ACLY: variants seen among roughly 807,000 people sequenced by gnomAD.
The protein encoded by ACLY is ATP-citrate synthase.
In ACLY, 41 loss-of-function variants were observed where a neutral mutation model predicts 133.0. That is an observed-to-expected ratio of 0.31 (90% CI 0.24 to 0.40). The LOEUF is 0.40. ACLY is among the 10% of genes least tolerant of loss of function. The pLI is 1.00. For missense variants in ACLY, 1,046 were observed against 1,453.8 expected (o/e 0.72, Z 4.56); for synonymous variants, 495 against 549.3 (o/e 0.90, Z 1.38).
intron 5 of ACLY, among the ~76,000 whole-genome samples, 183 bp from the exon 6 acceptor site, chr17:41,909,251 G>A (rs548848486): frequency 6.6e-6 from 1 of 152,230 alleles, no homozygotes; most frequent in East Asian, 1.9e-4. Context: ...CCACTGAGGC[G>A]GAAAGGAGCT....
chr17:41,884,084 A>G, intron 19 of ACLY, 109 bp downstream of exon 19: 1 of 670,318 alleles, frequency 1.5e-6, no homozygotes, highest in Non-Finnish European at 2.6e-6. Context: ...TGGGATTACC[A>G]GGGACTGTCC....
chr17:41,913,989 A>G, intron 1 of ACLY, 93 bp from the exon 2 acceptor site: 6 of 1,243,648 alleles, frequency 4.8e-6, no homozygotes, highest in Non-Finnish European at 6.8e-6. Flanking sequence ...TTGCCCCCAG[A>G]CAATAAAACC....
intron 22 of ACLY, among the ~76,000 whole-genome samples, chr17:41,876,366 G>C (rs113645231): frequency 8.6e-4 from 128 of 149,200 alleles, no homozygotes; most frequent in Middle Eastern, 7.6e-3. Context: ...GCCCCTACTG[G>C]GAAGTGAGGA....
chr17:41,869,646 C>T (rs1191640282), intron 25 of ACLY, 59 bp from the exon 26 acceptor site: 4 of 1,440,398 alleles, frequency 2.8e-6, no homozygotes, highest in Non-Finnish European at 3.9e-6. Context: ...TGTGTTTGTT[C>T]ATACTTGTGT....
rs60296550 is a variant in ACLY at position 41,900,069 on chromosome 17, CAAAAAAAA to C, written c.1184-1292_1184-1285del. Among the ~76,000 whole-genome samples the C allele has an allele frequency of 3.9e-3, 180 of 46,618 alleles. 2 individuals are homozygous for C. Among genetic ancestry groups the C allele is most frequent in the African/African-American group, 0.011 (172 of 15,176 alleles). 30.6% of individuals were successfully genotyped at this position (46,618 alleles called of 152,430 possible). On this transcript the variant is annotated intron_variant, in intron 11 of 28. Coordinates refer to ENST00000352035, the MANE Select transcript of ACLY (RefSeq NM_001096.3). ...GGGTGACAGAGTGAGACCCTGTCTC[CAAAAAAAA>C]AAAAAAAAAAAAAAAAAAATTGCCT...
intron 10 of ACLY, among the ~76,000 whole-genome samples, 191 bp from the exon 11 acceptor site, chr17:41,902,004 C>T (rs1050863958): frequency 9.2e-5 from 14 of 152,160 alleles, no homozygotes; most frequent in Admixed American, 1.3e-4. Context: ...GTGGGGTACC[C>T]GGGATTGACA....
At chr17:41,896,772 C>G in intron 13 of ACLY, 123 bp from the exon 14 acceptor site, 1 of 763,136 alleles carries the variant, frequency 1.3e-6, no homozygotes, top group Non-Finnish European at 2.0e-6. Context: ...CCCTCATCAT[C>G]CCTCTCCTGT....
At chr17:41,906,497 T>C (rs2049722854) in intron 8 of ACLY, 31 bp downstream of exon 8, 2 of 1,589,022 alleles carry the variant, frequency 1.3e-6, no homozygotes, top group South Asian at 2.2e-5. Flanking sequence ...TAGACTGGGC[T>C]GGCATCCCTT....
At position 41,893,084 on chromosome 17, in the gene ACLY, T is replaced by C. The variant is rs1555629667; in HGVS notation, c.1550A>G (p.Tyr517Cys). 1.2e-6 allele frequency: 2 copies of C among 1,613,964 alleles called. No individual in the cohort carries two copies. The highest frequency in any genetic ancestry group is 1.7e-5 in the Admixed American group (1 of 59,980). ...RAVQGMLDFD[Y>C]VCSRDEPSVA... ...TGAGGGCTCGTCTCGGGAGCAGACATAGTCAAAGTCCAGCATGCCTTGCAC... is the reference window on the plus strand; with the variant it reads ...TGAGGGCTCGTCTCGGGAGCAGACACAGTCAAAGTCCAGCATGCCTTGCAC... The change falls in exon 15 of 29, where the codon TAT (tyrosine) becomes TGT (cysteine). Residue 517 changes from tyrosine to cysteine, a missense_variant. Transcript: ENST00000352035.
At position 41,883,168 on chromosome 17, in the gene ACLY, A is replaced by T; in HGVS notation, c.2219T>A (p.Ile740Asn). ...ACACGTCCCGATGCACCAGCAGACGATGGGCTTAGTGAGGCGGCCCTCCTT... is the reference window on the plus strand; with the variant it reads ...ACACGTCCCGATGCACCAGCAGACGTTGGGCTTAGTGAGGCGGCCCTCCTT... Reference protein sequence around the residue: ...GIKEGRLTKPIVCWCIGTCAT... With the variant: ...GIKEGRLTKPNVCWCIGTCAT... Residue 740 changes from isoleucine to asparagine, a missense_variant, in exon 20 of 29, where the codon ATC becomes AAC. Physicochemically the swap from Ile to Asn is moderately radical, Grantham distance 149 (BLOSUM62 -3). Around this residue, in one of 4 missense-constraint regions of ACLY, gnomAD observed 575 missense variants for 804.2 expected, o/e 0.71. Coordinates refer to ENST00000352035, the MANE Select transcript of ACLY (RefSeq NM_001096.3). 6.2e-7 allele frequency: 1 copy of T among 1,614,072 alleles called. No individual in the cohort carries two copies. The highest frequency in any genetic ancestry group is 8.5e-7 in the Non-Finnish European group (1 of 1,180,024).
At chr17:41,872,266 A>T in intron 23 of ACLY, 84 bp from the exon 24 acceptor site, 3 of 1,387,084 alleles carry the variant, frequency 2.2e-6, no homozygotes, top group South Asian at 2.5e-5. Context: ...AAGTCATTCA[A>T]ATCCAAGAAG....
chr17:41,879,057 T>C (rs538114274), intron 20 of ACLY, 133 bp from the exon 21 acceptor site: 344 of 1,098,572 alleles, frequency 3.1e-4, no homozygotes, highest in Non-Finnish European at 4.0e-4. Flanking sequence ...ATAGGTACAA[T>C]AGATGATTTC....
At chr17:41,910,165 G>A in intron 4 of ACLY, 57 bp downstream of exon 4, 1 of 1,552,638 alleles carries the variant, frequency 6.4e-7, no homozygotes, top group African/African-American at 1.4e-5. Flanking sequence ...GGTTACGGTG[G>A]ACAAACCCAA....
intron 20 of ACLY, among the ~76,000 whole-genome samples, chr17:41,880,586 T>C (rs782645785): frequency 5.3e-5 from 8 of 152,146 alleles, no homozygotes; most frequent in Non-Finnish European, 1.0e-4. Context: ...ACTAAAGGGC[T>C]GGGCGCAGTG....
At chr17:41,907,595 C>G (rs782360609) in intron 6 of ACLY, 23 bp from the exon 7 acceptor site, 21 of 1,610,236 alleles carry the variant, frequency 1.3e-5, no homozygotes, top group Non-Finnish European at 1.6e-5. Context: ...CAGAGGCAAT[C>G]ATCAGACACC....
chr17:41,879,063 A>C (rs577725917), intron 20 of ACLY, 139 bp from the exon 21 acceptor site: 1 of 1,069,900 alleles, frequency 9.3e-7, no homozygotes, highest in African/African-American at 1.6e-5. Flanking sequence ...ACAATAGATG[A>C]TTTCCATTTT....
At chr17:41,915,282 G>A (rs971096084) in intron 1 of ACLY, among the ~76,000 whole-genome samples, 17 of 152,120 alleles carry the variant, frequency 1.1e-4, no homozygotes, top group African/African-American at 3.1e-4. Flanking sequence ...GAGCTTGGCC[G>A]GATCAGGAAA....
intron 16 of ACLY, 47 bp from the exon 17 acceptor site, chr17:41,887,750 A>T (rs1369674020): frequency 6.5e-7 from 1 of 1,539,132 alleles, no homozygotes; most frequent in East Asian, 2.3e-5. Flanking sequence ...TGCCTCAGAA[A>T]GGGCAACAAG....
intron 1 of ACLY, among the ~76,000 whole-genome samples, chr17:41,915,441 A>G (rs1320287678): frequency 2.0e-5 from 3 of 152,162 alleles, no homozygotes; most frequent in Non-Finnish European, 4.4e-5. Context: ...CAACTCAGAG[A>G]AGGCCAACAT....
Sources: gnomAD v4.1 joint callset for allele counts (sites outside exome capture counted in the v4.1 genomes callset) on GRCh38, gnomAD v4.1.1 for gene constraint, gnomAD v4.1.1 regional missense constraint, MANE v1.5 for transcripts, NCBI Gene and HGNC (gene_info 2026-07-23, HGNC 2026-07-21) for gene names.